Variants in ARL15 observed in about 807,000 individuals in gnomAD.
ARL15 encodes the protein ADP-ribosylation factor-like protein 15.
A neutral mutation model predicts 25.2 loss-of-function variants in ARL15; 19 were observed. That is an observed-to-expected ratio of 0.75 (90% confidence interval 0.53 to 1.10). The LOEUF (loss-of-function observed/expected upper bound fraction) is 1.10, where lower values mean the gene tolerates loss of function less well. Among genes scored for constraint, ARL15 ranks in the 50% least tolerant of loss-of-function variants. ARL15 has a pLI of 0.00. For synonymous variants in ARL15, 94 were observed against 86.8 expected, an observed-to-expected ratio of 1.08 and a Z score of -0.46; for missense variants, 220 against 246.0, an observed-to-expected ratio of 0.89 and a Z score of 0.71.
chr5:54,265,532 T>C (rs1757602885), intron 1 of ARL15, among the ~76,000 whole-genome samples: 1 of 152,232 alleles, frequency 6.6e-6, no homozygotes, highest in South Asian at 2.1e-4. Flanking sequence ...CACTTTGCAA[T>C]TGAATGTATC....
chr5:54,097,215 G>A (rs939564006), intron 4 of ARL15, among the ~76,000 whole-genome samples: 9 of 152,144 alleles, frequency 5.9e-5, no homozygotes, highest in African/African-American at 2.2e-4. Flanking sequence ...TACTCGGGAG[G>A]CTGAGGCAGG....
chr5:54,001,255 C>T (rs955452894), intron 4 of ARL15, among the ~76,000 whole-genome samples: 1 of 152,132 alleles, frequency 6.6e-6, no homozygotes, highest in African/African-American at 2.4e-5. Context: ...TACCTTAATA[C>T]ATTATACACA....
chr5:54,048,460 T>C (rs1411943306), intron 4 of ARL15, among the ~76,000 whole-genome samples: 1 of 149,646 alleles, frequency 6.7e-6, no homozygotes, highest in Admixed American at 6.7e-5. Flanking sequence ...TAGAATGCAA[T>C]GGCACGATCT....
intron 1 of ARL15, among the ~76,000 whole-genome samples, chr5:54,284,523 G>C (rs1181187915): frequency 6.6e-6 from 1 of 152,212 alleles, no homozygotes; most frequent in African/African-American, 2.4e-5. Context: ...AAGGGCTCTA[G>C]CACCTATCAT....
chr5:54,158,494 G>A (rs1000899848), intron 2 of ARL15, among the ~76,000 whole-genome samples: 7 of 152,132 alleles, frequency 4.6e-5, no homozygotes, highest in Non-Finnish European at 8.8e-5. Context: ...CATACAATAG[G>A]ATCTCAATAT....
chr5:54,302,683 A>ATTTTTTTTTTT lies in ARL15; in HGVS notation c.48+7738_48+7748dup, dbSNP rs372704359. On this transcript the variant is annotated intron_variant, in intron 1 of 4. Coordinates refer to ENST00000504924, the MANE Select transcript of ARL15 (RefSeq NM_019087.3). ...GCAAAGCACCTGTTCTAAAATTAAG[A>ATTTTTTTTTTT]TTTTTTTTTTTTTTTTTTTTTTTTT... Among the ~76,000 whole-genome samples the ATTTTTTTTTTT allele has an allele frequency of 3.2e-4, 25 of 77,860 alleles. 1 individual carries two copies. Among genetic ancestry groups the ATTTTTTTTTTT allele is most frequent in the South Asian group, 7.1e-4 (1 of 1,402 alleles). The allele number at this position is 77,860 out of a possible 152,430, so 51.1% of individuals were successfully genotyped here. A position where few individuals can be genotyped will look rare whatever the true frequency, so the allele number is the denominator to read the frequency against.
intron 4 of ARL15, among the ~76,000 whole-genome samples, chr5:53,912,409 C>T (rs1168009550): frequency 6.6e-6 from 1 of 152,046 alleles, no homozygotes. Flanking sequence ...ATTAATAACA[C>T]GAAATGAAAT....
Position 53,886,390 on chromosome 5 carries a change from A to G in ARL15, c.*171T>C. On this transcript the variant is annotated 3_prime_UTR_variant, in exon 5 of 5. Transcript: ENST00000504924. ...TGTACTTGACGTTAATGCCGATGAT[A>G]ATTCATCTGATCTACAGAATATTCA... 1 of 678,084 alleles carries G rather than the reference A, an allele frequency of 1.5e-6. No homozygotes were observed. The allele number at this position is 678,084 out of a possible 1,614,324, so 42.0% of individuals were successfully genotyped here.
intron 1 of ARL15, among the ~76,000 whole-genome samples, chr5:54,196,572 A>C: frequency 6.6e-6 from 1 of 151,420 alleles, no homozygotes; most frequent in South Asian, 2.1e-4. Context: ...TGGTAATAAC[A>C]ATAATTATTA....
chr5:54,112,926 C>T (rs537086002), intron 4 of ARL15, among the ~76,000 whole-genome samples: 3 of 152,250 alleles, frequency 2.0e-5, no homozygotes, highest in African/African-American at 7.2e-5. Flanking sequence ...AATAACCAGG[C>T]CTTTAGCCCC....
At chr5:54,077,663 GAGTGTGTACAACAAC>G (rs1380270577) in intron 4 of ARL15, among the ~76,000 whole-genome samples, 1 of 152,154 alleles carries the variant, frequency 6.6e-6, no homozygotes, top group African/African-American at 2.4e-5. Context: ...ATAAAATCTG[GAGTGTGTACAACAAC>G]AGCTAGCCTT....
At chr5:54,018,123 A>G (rs576338250) in intron 4 of ARL15, among the ~76,000 whole-genome samples, 1 of 152,306 alleles carries the variant, frequency 6.6e-6, no homozygotes, top group African/African-American at 2.4e-5. Flanking sequence ...TTCAAATCCA[A>G]CTGTACCGCC....
At chr5:53,946,455 G>GAAAAAAAAAAAAAAAA (rs55727717) in intron 4 of ARL15, among the ~76,000 whole-genome samples, 1 of 43,954 alleles carries the variant, frequency 2.3e-5, no homozygotes, top group Non-Finnish European at 4.0e-5. Context: ...GTCTCAAGAG[G>GAAAAAAAAAAAAAAAA]AAAAAAAAAA....
intron 4 of ARL15, among the ~76,000 whole-genome samples, chr5:54,070,658 T>C (rs1389862412): frequency 1.3e-5 from 2 of 151,790 alleles, no homozygotes; most frequent in Non-Finnish European, 2.9e-5. Context: ...CTGGCCAACA[T>C]GGTGAAACCC....
chr5:54,116,336 C>T (rs1752898367), intron 3 of ARL15, among the ~76,000 whole-genome samples: 1 of 152,092 alleles, frequency 6.6e-6, no homozygotes, highest in African/African-American at 2.4e-5. Context: ...GGGTAGGATA[C>T]CAACAGCATC....
chr5:54,264,034 A>C (rs759281360), intron 1 of ARL15, among the ~76,000 whole-genome samples: 1 of 152,062 alleles, frequency 6.6e-6, no homozygotes, highest in African/African-American at 2.4e-5. Context: ...GAATATCTAC[A>C]AAGTTTCTTG....
chr5:53,887,259 T>C, intron 4 of ARL15: 2 of 626,548 alleles, frequency 3.2e-6, no homozygotes, highest in Non-Finnish European at 5.7e-6. Flanking sequence ...CATGAGAGCG[T>C]GTTTTCTAGG....
At chr5:54,121,524 T>C (rs563409644) in intron 3 of ARL15, among the ~76,000 whole-genome samples, 37 of 152,368 alleles carry the variant, frequency 2.4e-4, no homozygotes, top group African/African-American at 8.7e-4. Context: ...GATAAGTCAA[T>C]GCACTTTATA....
chr5:54,180,086 A>T (rs1755012063), intron 1 of ARL15, among the ~76,000 whole-genome samples: 2 of 151,952 alleles, frequency 1.3e-5, no homozygotes, highest in Non-Finnish European at 2.9e-5. Flanking sequence ...GCACAGCAGT[A>T]AGGAAAAAAA....
Sources: allele counts gnomAD v4.1 joint callset (sites outside exome capture counted in the v4.1 genomes callset), GRCh38; gene constraint gnomAD v4.1.1; transcripts MANE v1.5; gene names NCBI Gene and HGNC (gene_info 2026-07-23, HGNC 2026-07-21).